RPN2: variants seen among roughly 807,000 people sequenced by gnomAD.
RPN2 encodes the protein dolichyl-diphosphooligosaccharide--protein glycosyltransferase subunit 2.
Under a neutral mutation model 71.4 loss-of-function variants are expected in RPN2, and 29 were observed. That is an observed-to-expected ratio of 0.41 (90% confidence interval 0.30 to 0.55). The LOEUF (loss-of-function observed/expected upper bound fraction) is 0.55, where lower values mean the gene tolerates loss of function less well. Ranked by LOEUF, RPN2 falls within the 20% of genes least tolerant of loss-of-function variation. The probability of loss-of-function intolerance (pLI) is 0.35; values close to 1 mark genes in which losing one functional copy is unlikely to be tolerated. For synonymous variants in RPN2, 308 were observed against 305.0 expected (o/e 1.01, Z -0.10); for missense variants, 726 against 774.1 (o/e 0.94, Z 0.74).
At chr20:37,204,089 G>A in intron 5 of RPN2, 129 bp downstream of exon 5, 1 of 729,992 alleles carries the variant, frequency 1.4e-6, no homozygotes, top group South Asian at 1.5e-5. Context: ...GCACACTTGT[G>A]TTCTTTGTAT....
rs1436649943 is a variant in RPN2, at chr20:37,228,691, C to G, written c.1441C>G (p.Leu481Val). The change falls in exon 12 of 17, where the codon CTC becomes GTC. Residue 481 changes from leucine (L) to valine (V), a missense_variant. Physicochemically the swap from Leu to Val is conservative, Grantham distance 32. Coordinates refer to ENST00000237530, the MANE Select transcript of RPN2 (RefSeq NM_002951.5). The stretch of plus-strand genomic sequence containing the variant: ...TGACTCTGCCTCTGGCACCTACACT[C>G]TCTACTTAATCATTGGAGATGCCAC... ...EFDSASGTYTLYLIIGDATLK... is the reference protein window; with the variant it reads ...EFDSASGTYTVYLIIGDATLK... The G allele has an allele frequency of 6.2e-7, 1 of 1,614,234 alleles. No homozygotes were observed. The highest frequency in any genetic ancestry group is 1.1e-5 in the South Asian group (1 of 91,092).
intron 2 of RPN2, among the ~76,000 whole-genome samples, chr20:37,194,552 AC>A (rs1156795492): frequency 6.6e-6 from 1 of 152,208 alleles, no homozygotes; most frequent in African/African-American, 2.4e-5. Flanking sequence ...GTGAGCCATC[AC>A]GCCCAGCCAG....
At chr20:37,218,699 T>C (rs987329702) in intron 9 of RPN2, among the ~76,000 whole-genome samples, 1 of 152,134 alleles carries the variant, frequency 6.6e-6, no homozygotes, top group African/African-American at 2.4e-5. Flanking sequence ...CATTCTCTCT[T>C]CCTACTTTCT....
chr20:37,229,844 C>T (rs879285839), intron 12 of RPN2, 129 bp from the exon 13 acceptor site: 21 of 757,358 alleles, frequency 2.8e-5, no homozygotes, highest in Non-Finnish European at 4.8e-5. Context: ...GCTAATGGAT[C>T]AGAAGTGATT....
Position 37,195,879 on chromosome 20 carries a change from C to T in RPN2, c.208-2518C>T, listed in dbSNP as rs1237124731. On this transcript the variant is annotated intron_variant, in intron 2 of 16. Transcript: ENST00000237530. ...TCTCTCTCTGGCTTCTTTAAAACTTCTGGTTGAAACTCATTTGTTTTGAGA... is the reference window on the plus strand; with the variant it reads ...TCTCTCTCTGGCTTCTTTAAAACTTTTGGTTGAAACTCATTTGTTTTGAGA... Among the ~76,000 whole-genome samples the T allele has an allele frequency of 2.0e-5, 3 of 152,116 alleles. No homozygotes were observed. The East Asian group carries it at 5.8e-4, about 29-fold the overall frequency.
At chr20:37,229,792 T>C in intron 12 of RPN2, 181 bp from the exon 13 acceptor site, 2 of 653,418 alleles carry the variant, frequency 3.1e-6, no homozygotes, top group Non-Finnish European at 2.8e-6. Context: ...TTTCAGCAAA[T>C]ACTTGTTTTG....
intron 8 of RPN2, among the ~76,000 whole-genome samples, chr20:37,210,483 T>C (rs2067632343): frequency 6.6e-6 from 1 of 151,552 alleles, no homozygotes; most frequent in Non-Finnish European, 1.5e-5. Context: ...AAAAAGAAAA[T>C]ATAACTTACC....
chr20:37,182,805 G>T (rs1332880911), intron 1 of RPN2, among the ~76,000 whole-genome samples: 1 of 152,108 alleles, frequency 6.6e-6, no homozygotes, highest in East Asian at 1.9e-4. Flanking sequence ...CTGTTACTTG[G>T]GTGCCAGACA....
intron 8 of RPN2, among the ~76,000 whole-genome samples, chr20:37,211,649 A>T (rs2067670965): frequency 6.6e-6 from 1 of 151,430 alleles, no homozygotes; most frequent in Non-Finnish European, 1.5e-5. Context: ...CTCTATTAAA[A>T]AAAAAAAAAA....
intron 8 of RPN2, among the ~76,000 whole-genome samples, chr20:37,213,372 C>T (rs1275406621): frequency 1.3e-5 from 2 of 152,156 alleles, no homozygotes; most frequent in African/African-American, 4.8e-5. Flanking sequence ...CCCCAGCCTG[C>T]ACTTTGGGAG....
chr20:37,212,854 G>A (rs7263247), intron 8 of RPN2, among the ~76,000 whole-genome samples: 117,464 of 152,006 alleles, frequency 0.77, 45,835 homozygotes, highest in Middle Eastern at 0.89. Flanking sequence ...GAGAAAATGC[G>A]TTTCTTAATC....
Position 37,187,285 on chromosome 20 carries a change from G to A in RPN2, c.207+2912G>A, listed in dbSNP as rs199962091. 1.6e-4 allele frequency among the ~76,000 whole-genome samples: 9 copies of A among 57,854 alleles called. 4 individuals are homozygous for A. The East Asian group carries it at 2.4e-3, about 15-fold the overall frequency. 38.0% of individuals were successfully genotyped at this position (57,854 alleles called of 152,430 possible). A position where few individuals can be genotyped will look rare whatever the true frequency, so the allele number is the denominator to read the frequency against. On this transcript the variant is annotated intron_variant, in intron 2 of 16. Coordinates refer to ENST00000237530, the MANE Select transcript of RPN2 (RefSeq NM_002951.5). ...TGGGAGGCCGAGGCGGGCGGATCAC[G>A]AGGTCAGGAGATCGAGACCATCCCG...
At chr20:37,210,969 C>T (rs942482638) in intron 8 of RPN2, among the ~76,000 whole-genome samples, 1 of 152,018 alleles carries the variant, frequency 6.6e-6, no homozygotes, top group Admixed American at 6.5e-5. Context: ...AGATGGATTG[C>T]TTGAGCCTAG....
chr20:37,199,032 C>A lies in RPN2; in HGVS notation c.304-18C>A, dbSNP rs376045139. On this transcript the variant is annotated intron_variant, in intron 3 of 16. Coordinates refer to ENST00000237530, the MANE Select transcript of RPN2 (RefSeq NM_002951.5). ...CAAGACCTGTTCTAAAACTCTGTGT[C>A]TGCCAATTCTTTCTTAGATCTCTAT... 6.2e-7 allele frequency: 1 copy of A among 1,605,870 alleles called. No homozygotes were observed. Among genetic ancestry groups the A allele is most frequent in the East Asian group, 2.2e-5 (1 of 44,834 alleles).
In RPN2 at chr20:37,204,803, T is replaced by C; in HGVS notation, c.592T>C (p.Tyr198His). The C allele has an allele frequency of 1.2e-6, 2 of 1,614,184 alleles. No individual in the cohort carries two copies. The highest frequency in any genetic ancestry group is 1.7e-6 in the Non-Finnish European group (2 of 1,180,038). Residue 198 changes from tyrosine to histidine, a missense_variant, in exon 6 of 17, where the codon TAT (tyrosine) becomes CAT (histidine). By Grantham distance (83) the Tyr-to-His change is moderately conservative. Transcript: ENST00000237530. ...TCGCCTGGATGAACTCGGGGGCGTG[T>C]ATCTCCAGTTTGAAGAAGGACTGGA... ...VARLDELGGV[Y>H]LQFEEGLETT... is the part of the protein sequence containing the mutation.
At chr20:37,214,482 A>G (rs1430797068) in intron 9 of RPN2, among the ~76,000 whole-genome samples, 2 of 152,214 alleles carry the variant, frequency 1.3e-5, no homozygotes, top group African/African-American at 2.4e-5. Context: ...CCCATCTGGC[A>G]TGGTGGCTTT....
At chr20:37,218,625 A>G (rs745349955) in intron 9 of RPN2, among the ~76,000 whole-genome samples, 5 of 152,158 alleles carry the variant, frequency 3.3e-5, no homozygotes, top group Non-Finnish European at 7.4e-5. Flanking sequence ...CCTTGCCACA[A>G]TGCCATTCCA....
At chr20:37,218,464 T>C (rs556972539) in intron 9 of RPN2, among the ~76,000 whole-genome samples, 92 of 152,026 alleles carry the variant, frequency 6.1e-4, no homozygotes, top group Non-Finnish European at 1.0e-3. Flanking sequence ...TCCCAGCACT[T>C]TGGGAGGCCG....
At position 37,207,446 on chromosome 20, in the gene RPN2, G is replaced by A; in HGVS notation, c.864G>A (p.Leu288=). Reference sequence around the variant, plus strand: ...CCGACACTCATGAACAGGCTATCTTGCGGGTAAGACATCCATGCCCAAAGT... The same window carrying A: ...CCGACACTCATGAACAGGCTATCTTACGGGTAAGACATCCATGCCCAAAGT... ...SASDTHEQAI[L]RLQVTNVLSQ... is the part of the protein sequence containing the mutation. Residue 288 remains leucine, a synonymous_variant, in exon 7 of 17, where the codon TTG becomes TTA. Transcript: ENST00000237530. 6.2e-7 allele frequency: 1 copy of A among 1,614,080 alleles called. No homozygotes were observed. The highest frequency in any genetic ancestry group is 8.5e-7 in the Non-Finnish European group (1 of 1,179,944).
Sources: gnomAD v4.1 joint callset for allele counts (sites outside exome capture counted in the v4.1 genomes callset) on GRCh38, gnomAD v4.1.1 for gene constraint, MANE v1.5 for transcripts, NCBI Gene and HGNC (gene_info 2026-07-23, HGNC 2026-07-21) for gene names.